The following GLIPR1L1 variants were observed in gnomAD, a reference collection of about 807,000 sequenced individuals.
The protein encoded by GLIPR1L1 is GLIPR1 like 1, also known as GLIPR1-like protein 1.
In GLIPR1L1, 26 loss-of-function variants were observed where a neutral mutation model predicts 29.9. The observed-to-expected ratio is 0.87, with a 90% CI of 0.64 to 1.21. The LOEUF is 1.21. GLIPR1L1 is among the 50% of genes most tolerant of loss of function. The probability of loss-of-function intolerance (pLI) is 0.00; values close to 1 mark genes in which losing one functional copy is unlikely to be tolerated. For missense variants in GLIPR1L1, 305 were observed against 290.3 expected (o/e 1.05, Z -0.37); for synonymous variants, 77 against 97.5 (o/e 0.79, Z 1.24).
At chr12:75,335,821 C>T (rs2041695765) in intron 1 of GLIPR1L1, among the ~76,000 whole-genome samples, 1 of 151,816 alleles carries the variant, frequency 6.6e-6, no homozygotes, top group South Asian at 2.1e-4. Flanking sequence ...TTGGGGTTGT[C>T]CAAGGCATAA....
At chr12:75,367,756 G>A (rs1018412196) in intron 4 of GLIPR1L1, among the ~76,000 whole-genome samples, 17 of 151,958 alleles carry the variant, frequency 1.1e-4, no homozygotes, top group Admixed American at 2.0e-4. Flanking sequence ...AAAATAATGC[G>A]TTTTGTTCTT....
chr12:75,336,619 A>T (rs1262799160), intron 1 of GLIPR1L1, among the ~76,000 whole-genome samples: 1 of 151,816 alleles, frequency 6.6e-6, no homozygotes, highest in Non-Finnish European at 1.5e-5. Flanking sequence ...GCAATCTTCA[A>T]TACAAATAAA....
At chr12:75,367,515 G>A (rs1164541662) in intron 4 of GLIPR1L1, among the ~76,000 whole-genome samples, 6 of 54,156 alleles carry the variant, frequency 1.1e-4, no homozygotes, top group South Asian at 1.0e-3. Flanking sequence ...CCATCTCCAC[G>A]TCGTGTACCA....
At chr12:75,337,149 AAAG>A (rs2041790902) in intron 1 of GLIPR1L1, among the ~76,000 whole-genome samples, 1 of 151,876 alleles carries the variant, frequency 6.6e-6, no homozygotes, top group African/African-American at 2.4e-5. Context: ...ATATTTTAGG[AAAG>A]AAGAATGGTT....
intron 1 of GLIPR1L1, 126 bp downstream of exon 1, chr12:75,335,028 A>C: frequency 1.2e-6 from 1 of 838,472 alleles, no homozygotes; most frequent in African/African-American, 1.7e-5. Flanking sequence ...TTAAAAAGAA[A>C]AAAATTCACA....
At chr12:75,342,123 T>A (rs541598848) in intron 1 of GLIPR1L1, among the ~76,000 whole-genome samples, 2 of 152,078 alleles carry the variant, frequency 1.3e-5, no homozygotes, top group Non-Finnish European at 2.9e-5. Flanking sequence ...TTAAAGATAG[T>A]GTGGGTAGTG....
intron 1 of GLIPR1L1, among the ~76,000 whole-genome samples, chr12:75,342,141 G>C (rs890132194): frequency 1.2e-4 from 19 of 152,232 alleles, no homozygotes; most frequent in African/African-American, 4.6e-4. Flanking sequence ...GTGAGTGGTT[G>C]TGACTTAATG....
At chr12:75,338,344 C>T (rs1383234886) in intron 1 of GLIPR1L1, among the ~76,000 whole-genome samples, 2 of 151,982 alleles carry the variant, frequency 1.3e-5, no homozygotes, top group Non-Finnish European at 2.9e-5. Context: ...CAGAAAACTC[C>T]CCAGAAAATG....
chr12:75,369,937 A>G (rs758834433), intron 4 of GLIPR1L1, 23 bp from the exon 5 acceptor site: 19 of 1,210,834 alleles, frequency 1.6e-5, no homozygotes, highest in South Asian at 1.6e-5. Context: ...ATTTTATAAT[A>G]TTAACTTTAA....
At chr12:75,341,030 C>CAA (rs113251142) in intron 1 of GLIPR1L1, among the ~76,000 whole-genome samples, 8 of 142,012 alleles carry the variant, frequency 5.6e-5, no homozygotes, top group African/African-American at 1.0e-4. Context: ...CAATTTCTTA[C>CAA]AAAAAAAAAA....
intron 2 of GLIPR1L1, 80 bp downstream of exon 2, chr12:75,344,018 G>A (rs1287796049): frequency 8.2e-7 from 1 of 1,217,194 alleles, no homozygotes; most frequent in Non-Finnish European, 1.1e-6. Flanking sequence ...TGTATGTAAA[G>A]TGCCTTTATT....
At chr12:75,338,446 T>C (rs1020223590) in intron 1 of GLIPR1L1, among the ~76,000 whole-genome samples, 3 of 152,192 alleles carry the variant, frequency 2.0e-5, no homozygotes, top group African/African-American at 4.8e-5. Context: ...AAAAATTATA[T>C]GATCATCTCA....
At chr12:75,345,576 T>C (rs1194069943) in intron 2 of GLIPR1L1, among the ~76,000 whole-genome samples, 1 of 152,216 alleles carries the variant, frequency 6.6e-6, no homozygotes, top group African/African-American at 2.4e-5. Flanking sequence ...GCAACTTCCA[T>C]GTTCCCTTTA....
At chr12:75,336,208 A>T (rs532831587) in intron 1 of GLIPR1L1, among the ~76,000 whole-genome samples, 1 of 152,094 alleles carries the variant, frequency 6.6e-6, no homozygotes, top group African/African-American at 2.4e-5. Flanking sequence ...TTAAAAATAT[A>T]CAAAGAAGTA....
At chr12:75,362,876 C>G (rs2043700665) in intron 3 of GLIPR1L1, among the ~76,000 whole-genome samples, 1 of 152,112 alleles carries the variant, frequency 6.6e-6, no homozygotes, top group Admixed American at 6.6e-5. Context: ...TCTCATTATT[C>G]TTCTATAGAA....
intron 3 of GLIPR1L1, among the ~76,000 whole-genome samples, chr12:75,349,957 C>A (rs551213062): frequency 1.3e-5 from 2 of 152,216 alleles, no homozygotes; most frequent in Non-Finnish European, 2.9e-5. Flanking sequence ...TGCTGGCCAG[C>A]GGGGCAGGCT....
intron 3 of GLIPR1L1, among the ~76,000 whole-genome samples, chr12:75,351,802 C>T (rs2042834117): frequency 6.6e-6 from 1 of 152,296 alleles, no homozygotes; most frequent in South Asian, 2.1e-4. Flanking sequence ...CCTCCTTGGC[C>T]TCCCAAAGTG....
At chr12:75,338,832 A>G (rs2041909915) in intron 1 of GLIPR1L1, among the ~76,000 whole-genome samples, 1 of 151,790 alleles carries the variant, frequency 6.6e-6, no homozygotes, top group African/African-American at 2.4e-5. Context: ...GCTCCCACTT[A>G]TAAGTGAGAA....
intron 3 of GLIPR1L1, 66 bp from the exon 4 acceptor site, chr12:75,363,036 A>G (rs1454080437): frequency 4.3e-6 from 3 of 699,166 alleles, no homozygotes; most frequent in Middle Eastern, 2.9e-4. Context: ...CAACTTGCAT[A>G]CATGCATGAA....
Sources: allele counts gnomAD v4.1 joint callset (sites outside exome capture counted in the v4.1 genomes callset), GRCh38; gene constraint gnomAD v4.1.1; transcripts MANE v1.5; gene names NCBI Gene and HGNC (gene_info 2026-07-23, HGNC 2026-07-21).